Variants in EFCAB7 observed in about 807,000 individuals in gnomAD.
EFCAB7 encodes EF-hand calcium binding domain 7.
Under a neutral mutation model 77.1 loss-of-function variants are expected in EFCAB7, and 66 were observed. That is an observed-to-expected ratio of 0.86 (90% CI 0.70 to 1.05). The LOEUF is 1.05. Ranked by LOEUF, EFCAB7 falls within the 50% of genes least tolerant of loss-of-function variation. EFCAB7 has a pLI of 0.00. For synonymous variants in EFCAB7, 225 were observed against 243.3 expected (o/e 0.92, Z 0.70); for missense variants, 638 against 730.5 (o/e 0.87, Z 1.46).
intron 10 of EFCAB7, 57 bp downstream of exon 10, chr1:63,557,304 C>G: frequency 6.8e-7 from 1 of 1,473,180 alleles, no homozygotes; most frequent in Non-Finnish European, 9.1e-7. Flanking sequence ...AGCACCTTTT[C>G]ATCTCTAAGA....
At chr1:63,540,313 G>T (rs1421160946) in intron 6 of EFCAB7, among the ~76,000 whole-genome samples, 3 of 145,884 alleles carry the variant, frequency 2.1e-5, no homozygotes, top group African/African-American at 7.7e-5. Flanking sequence ...GCAGTGGGCC[G>T]AGATGGCGCC....
In EFCAB7 at chr1:63,551,753, T is replaced by C. The variant is rs1177924238; in HGVS notation, c.975T>C (p.Asp325=). The change falls in exon 8 of 14, where the codon GAT becomes GAC. Residue 325 remains aspartate, a synonymous_variant. Transcript: ENST00000371088. ...EGKPSPWLSV[D]TALYILKENE... is the part of the protein sequence containing the mutation. ...AACCATCCCCTTGGTTATCCGTTGA[T>C]ACTGCCTTGTATATTCTCAAGGAAA... is the stretch of plus-strand genomic sequence containing the variant. 1.9e-6 allele frequency: 3 copies of C among 1,570,052 alleles called. No homozygotes were observed. In the East Asian group the frequency reaches 6.9e-5, roughly 36 times the overall value.
At chr1:63,575,066 A>G (rs1647372670), downstream of EFCAB7, among the ~76,000 whole-genome samples, 2 of 152,192 alleles carry the variant, frequency 1.3e-5, no homozygotes, top group Admixed American at 1.3e-4. Context: ...CTGTTTACCC[A>G]GATGTTTTTA....
At chr1:63,579,757 G>A in the EFCAB7 span, among the ~76,000 whole-genome samples, 2 of 152,150 alleles carry the variant, frequency 1.3e-5, no homozygotes, top group Non-Finnish European at 2.9e-5. Context: ...ATGTGCAGTG[G>A]TATCTCATTG....
At position 63,533,635 on chromosome 1, in the gene EFCAB7, C is replaced by T; in HGVS notation, c.668C>T (p.Thr223Ile). 1 of 1,575,158 alleles carries T rather than the reference C, an allele frequency of 6.3e-7. No individual in the cohort carries two copies. The highest frequency in any genetic ancestry group is 8.6e-7 in the Non-Finnish European group (1 of 1,165,108). Residue 223 changes from threonine (T) to isoleucine (I), a missense_variant, in exon 5 of 14, where the codon ACA becomes ATA. Physicochemically the swap from Thr to Ile is moderately conservative, Grantham distance 89 (BLOSUM62 -1). Coordinates refer to ENST00000371088, the MANE Select transcript of EFCAB7 (RefSeq NM_032437.4). Reference sequence around the variant, plus strand: ...ATCACAAGAAAAACTGATCCAGAAACATTCTTAAATAAAGGTATTTACTTT... The same window carrying T: ...ATCACAAGAAAAACTGATCCAGAAATATTCTTAAATAAAGGTATTTACTTT... The part of the protein sequence containing the change: ...PKITRKTDPE[T>I]FLNKGDTRSS...
rs755667427 is a variant in EFCAB7, at chr1:63,557,196, T to C, written c.1297T>C (p.Leu433=). Residue 433 remains leucine (L), a synonymous_variant, in exon 10 of 14, where the codon TTG becomes CTG. Coordinates refer to ENST00000371088, the MANE Select transcript of EFCAB7 (RefSeq NM_032437.4). ...LSLEEYNFFE[L]RTSGEKCDED... is the part of the protein sequence containing the mutation. ...CCTTGAAGAATATAATTTTTTTGAATTGAGAACAAGTGGTGAGAAATGTGA... is the reference window on the plus strand; with the variant it reads ...CCTTGAAGAATATAATTTTTTTGAACTGAGAACAAGTGGTGAGAAATGTGA... 6.2e-7 allele frequency: 1 copy of C among 1,611,036 alleles called. No homozygotes were observed. Among genetic ancestry groups the C allele is most frequent in the Non-Finnish European group, 8.5e-7 (1 of 1,179,302 alleles).
intron 11 of EFCAB7, among the ~76,000 whole-genome samples, chr1:63,562,421 A>G (rs1647112812): frequency 7.2e-6 from 1 of 138,486 alleles, no homozygotes; most frequent in East Asian, 2.1e-4. Flanking sequence ...GGTAATAAAA[A>G]TTTAAAAATT....
At chr1:63,557,931 C>T (rs1280725876) in intron 10 of EFCAB7, among the ~76,000 whole-genome samples, 2 of 152,118 alleles carry the variant, frequency 1.3e-5, no homozygotes, top group African/African-American at 2.4e-5. Context: ...GATTAACTCA[C>T]GTATGCTTTC....
chr1:63,556,196 T>C (rs1647028346), intron 9 of EFCAB7, among the ~76,000 whole-genome samples: 1 of 152,128 alleles, frequency 6.6e-6, no homozygotes, highest in South Asian at 2.1e-4. Context: ...GTTGACAATA[T>C]GGTGATTATA....
In EFCAB7 at chr1:63,557,185, AT is replaced by A; in HGVS notation, c.1293del (p.Phe431LeufsTer3). 3.1e-6 allele frequency: 5 copies of A among 1,610,732 alleles called. No individual in the cohort carries two copies. The highest frequency in any genetic ancestry group is 2.2e-5 in the South Asian group (2 of 90,166). ...GGTCTTCTTAGCCTTGAAGAATATA[AT>A]TTTTTTGAATTGAGAACAAGTGGTG... ...GNGLLSLEEY[N>X]FFELRTSGEK... On this transcript the variant is annotated frameshift_variant, in exon 10 of 14. Coordinates refer to ENST00000371088, the MANE Select transcript of EFCAB7 (RefSeq NM_032437.4). LOFTEE classifies it high-confidence loss of function.
Position 63,562,000 on chromosome 1 carries a change from T to C in EFCAB7, c.1497+143T>C, listed in dbSNP as rs184698516. On this transcript the variant is annotated intron_variant, in intron 11 of 13. Coordinates refer to ENST00000371088, the MANE Select transcript of EFCAB7 (RefSeq NM_032437.4). ...TGAATGAATCCTGGGTGCAACAACA[T>C]GTTTCTGTTAGTTTATACAAGTTCT... The C allele has an allele frequency of 5.4e-5, 25 of 461,480 alleles. No homozygotes were observed. The Admixed American group carries it at 9.6e-4, about 18-fold the overall frequency. The allele number at this position is 461,480 out of a possible 1,614,324, so 28.6% of individuals were successfully genotyped here.
At chr1:63,560,047 C>T (rs1405074277) in intron 10 of EFCAB7, among the ~76,000 whole-genome samples, 2 of 152,128 alleles carry the variant, frequency 1.3e-5, no homozygotes, top group Admixed American at 6.5e-5. Flanking sequence ...GCTTCACCTC[C>T]CGGGTTCACG....
At chr1:63,583,341 C>T in the EFCAB7 span, among the ~76,000 whole-genome samples, 2 of 152,296 alleles carry the variant, frequency 1.3e-5, no homozygotes, top group Non-Finnish European at 2.9e-5. Context: ...CACCAGCTGC[C>T]AGTCTTTTGG....
chr1:63,538,636 A>G (rs1646792323), intron 6 of EFCAB7, among the ~76,000 whole-genome samples: 1 of 152,102 alleles, frequency 6.6e-6, no homozygotes, highest in African/African-American at 2.4e-5. Context: ...TAGTTTTAGT[A>G]GAGACAGGGT....
chr1:63,525,840 C>A, intron 2 of EFCAB7, 81 bp downstream of exon 2: 1 of 965,906 alleles, frequency 1.0e-6, no homozygotes. Flanking sequence ...ATTAGAATTA[C>A]CTTGTTGAAT....
chr1:63,530,076 T>G (rs757538613), intron 2 of EFCAB7, among the ~76,000 whole-genome samples: 5 of 152,194 alleles, frequency 3.3e-5, no homozygotes, highest in Non-Finnish European at 5.9e-5. Flanking sequence ...ACTAAAAAGT[T>G]TGTATTGATG....
intron 5 of EFCAB7, among the ~76,000 whole-genome samples, 154 bp downstream of exon 5, chr1:63,533,803 T>A (rs217453): frequency 3.3e-5 from 5 of 151,926 alleles, no homozygotes; most frequent in African/African-American, 1.2e-4. Context: ...TGTAAAAATC[T>A]ATTGAAGTAA....
chr1:63,533,106 T>C (rs79206022), intron 4 of EFCAB7, among the ~76,000 whole-genome samples: 1,571 of 152,170 alleles, frequency 0.01, 25 homozygotes, highest in African/African-American at 0.035. Flanking sequence ...CACATAAACA[T>C]AGAGACTCTA....
chr1:63,562,645 G>C (rs1050034986), intron 11 of EFCAB7, among the ~76,000 whole-genome samples: 1 of 148,850 alleles, frequency 6.7e-6, no homozygotes, highest in Non-Finnish European at 1.5e-5. Flanking sequence ...GACTACAGGT[G>C]CATGCCCCCA....
Sources: allele counts gnomAD v4.1 joint callset (sites outside exome capture counted in the v4.1 genomes callset), GRCh38; gene constraint gnomAD v4.1.1; transcripts MANE v1.5; gene names NCBI Gene and HGNC (gene_info 2026-07-23, HGNC 2026-07-21).